The following LY86 variants were observed in gnomAD, a reference collection of about 807,000 sequenced individuals.
LY86 encodes the protein lymphocyte antigen 86, also known as MD-1, RP105-associated.
Under a neutral mutation model 17.3 loss-of-function variants are expected in LY86, and 20 were observed. The observed-to-expected ratio is 1.15, with a 90% CI of 0.81 to 1.68. The LOEUF (loss-of-function observed/expected upper bound fraction) is 1.68, where lower values mean the gene tolerates loss of function less well. LY86 is among the 40% of genes most tolerant of loss of function. The pLI, the probability that LY86 is intolerant of heterozygous loss-of-function variation, is 0.00. For synonymous variants in LY86, 74 were observed against 70.6 expected, an observed-to-expected ratio of 1.05 and a Z score of -0.24; for missense variants, 200 against 191.9, an observed-to-expected ratio of 1.04 and a Z score of -0.25.
chr6:6,633,567 C>A (rs978700647), intron 3 of LY86, among the ~76,000 whole-genome samples: 1 of 152,002 alleles, frequency 6.6e-6, no homozygotes, highest in Non-Finnish European at 1.5e-5. Context: ...GCTATTTTTC[C>A]GATGCTCTCC....
intron 1 of LY86, among the ~76,000 whole-genome samples, chr6:6,592,781 C>T (rs1461001952): frequency 6.6e-6 from 1 of 152,220 alleles, no homozygotes; most frequent in Non-Finnish European, 1.5e-5. Context: ...GAACCTGCTC[C>T]TGCTGGCTCC....
chr6:6,653,966 C>G (rs1173133902), intron 4 of LY86, among the ~76,000 whole-genome samples: 1 of 152,230 alleles, frequency 6.6e-6, no homozygotes, highest in Non-Finnish European at 1.5e-5. Flanking sequence ...CTTACCGACA[C>G]AGGCGCCAGG....
chr6:6,605,532 A>AC (rs1371362507), intron 1 of LY86, among the ~76,000 whole-genome samples: 2 of 152,202 alleles, frequency 1.3e-5, no homozygotes, highest in Non-Finnish European at 2.9e-5. Context: ...CCACAACGCT[A>AC]CCCCATAACA....
chr6:6,595,169 A>G (rs1281344520), intron 1 of LY86, among the ~76,000 whole-genome samples: 1 of 150,438 alleles, frequency 6.6e-6, no homozygotes, highest in Admixed American at 6.6e-5. Context: ...AAAAGAGCGG[A>G]AGGAGGAGGA....
At chr6:6,608,574 C>G (rs566107818) in intron 1 of LY86, among the ~76,000 whole-genome samples, 3 of 152,176 alleles carry the variant, frequency 2.0e-5, no homozygotes, top group Non-Finnish European at 4.4e-5. Flanking sequence ...GCAGCTTAAG[C>G]CTGGGCAAAA....
chr6:6,626,455 G>T, intron 3 of LY86, 34 bp downstream of exon 3: 1 of 1,610,070 alleles, frequency 6.2e-7, no homozygotes, highest in Non-Finnish European at 8.5e-7. Flanking sequence ...GCTGGCAGGG[G>T]CCTGCAGAGA....
intron 1 of LY86, among the ~76,000 whole-genome samples, chr6:6,594,588 C>T (rs896168479): frequency 5.9e-5 from 9 of 152,202 alleles, no homozygotes; most frequent in African/African-American, 2.2e-4. Flanking sequence ...TTAAACTCTT[C>T]GCCAGATCAG....
At chr6:6,590,142 A>G (rs900564696) in intron 1 of LY86, among the ~76,000 whole-genome samples, 1 of 140,008 alleles carries the variant, frequency 7.1e-6, no homozygotes, top group Non-Finnish European at 1.5e-5. Context: ...AAAAAAAAAA[A>G]GACCCTATCT....
intron 3 of LY86, among the ~76,000 whole-genome samples, chr6:6,648,816 C>T (rs1194684089): frequency 6.6e-6 from 1 of 152,016 alleles, no homozygotes; most frequent in South Asian, 2.1e-4. Flanking sequence ...CAACTGTCCA[C>T]AGTCAACTAA....
intron 1 of LY86, among the ~76,000 whole-genome samples, chr6:6,590,023 A>C (rs1760475111): frequency 1.4e-5 from 2 of 147,672 alleles, no homozygotes; most frequent in African/African-American, 5.0e-5. Context: ...TGGGAGGCTG[A>C]GGCAGAATTG....
intron 3 of LY86, among the ~76,000 whole-genome samples, chr6:6,637,528 T>C (rs543416177): frequency 6.6e-6 from 1 of 152,326 alleles, no homozygotes; most frequent in African/African-American, 2.4e-5. Context: ...CCTTGACCGT[T>C]ATGGAATTTC....
chr6:6,596,981 T>C (rs527710080), intron 1 of LY86, among the ~76,000 whole-genome samples: 15 of 152,210 alleles, frequency 9.9e-5, no homozygotes, highest in African/African-American at 3.4e-4. Context: ...CACAGCTATT[T>C]CCATCCTTAG....
intron 1 of LY86, among the ~76,000 whole-genome samples, chr6:6,613,427 C>T (rs528139185): frequency 6.6e-6 from 1 of 152,342 alleles, no homozygotes; most frequent in African/African-American, 2.4e-5. Flanking sequence ...AGGTCCTGAG[C>T]CCTGCCGCGC....
intron 1 of LY86, among the ~76,000 whole-genome samples, chr6:6,594,559 A>G (rs184974374): frequency 6.6e-6 from 1 of 152,308 alleles, no homozygotes; most frequent in East Asian, 1.9e-4. Context: ...ATCCCTGGCC[A>G]AGAGTAGGAA....
chr6:6,642,387 G>A (rs1762052590), intron 3 of LY86, among the ~76,000 whole-genome samples: 1 of 152,250 alleles, frequency 6.6e-6, no homozygotes, highest in Non-Finnish European at 1.5e-5. Context: ...CAGAGGATAA[G>A]AGTTGAATGG....
At chr6:6,638,437 C>A (rs748730873) in intron 3 of LY86, among the ~76,000 whole-genome samples, 1 of 152,146 alleles carries the variant, frequency 6.6e-6, no homozygotes, top group Non-Finnish European at 1.5e-5. Context: ...ATTGCACTGT[C>A]CAATATGACA....
rs1414277820 is a variant in LY86 at position 6,608,314 on chromosome 6, T to C, written c.137-16612T>C. Among the ~76,000 whole-genome samples, 3 of 152,258 alleles carry C rather than the reference T, an allele frequency of 2.0e-5. No individual in the cohort carries two copies. The East Asian group carries it at 5.8e-4, about 29-fold the overall frequency. On this transcript the variant is annotated intron_variant, in intron 1 of 4. Transcript: ENST00000230568. The stretch of plus-strand genomic sequence containing the variant: ...TAATGAAAGTTGAATTAGCAATTTA[T>C]TTGGGGACTAATTTATTACATTATT...
At chr6:6,608,712 G>A (rs1393402898) in intron 1 of LY86, among the ~76,000 whole-genome samples, 1 of 152,238 alleles carries the variant, frequency 6.6e-6, no homozygotes, top group East Asian at 1.9e-4. Flanking sequence ...TATCCAAACG[G>A]TTACAGCAAT....
intron 1 of LY86, among the ~76,000 whole-genome samples, chr6:6,614,590 T>C (rs1456059626): frequency 6.6e-6 from 1 of 152,160 alleles, no homozygotes; most frequent in East Asian, 1.9e-4. Context: ...TGGGAGTTTT[T>C]TGCAGGCGTG....
Sources: allele counts gnomAD v4.1 joint callset (sites outside exome capture counted in the v4.1 genomes callset), GRCh38; gene constraint gnomAD v4.1.1; transcripts MANE v1.5; gene names NCBI Gene and HGNC (gene_info 2026-07-23, HGNC 2026-07-21).